MINAR1: variants seen among roughly 807,000 people sequenced by gnomAD.
MINAR1 encodes membrane integral NOTCH2 associated receptor 1, also known as major intrinsically disordered Notch2-binding receptor 1.
In MINAR1, 40 loss-of-function variants were observed where a neutral mutation model predicts 65.1. The ratio of observed to expected loss-of-function variants is 0.61; its 90% CI spans 0.48 to 0.80. The LOEUF (loss-of-function observed/expected upper bound fraction) is 0.80. MINAR1 is among the 30% of genes least tolerant of loss of function. MINAR1 has a pLI of 0.00. For synonymous variants in MINAR1, 482 were observed against 449.1 expected, an observed-to-expected ratio of 1.07 and a Z score of -0.93; for missense variants, 1,128 against 1,148.0, an observed-to-expected ratio of 0.98 and a Z score of 0.25.
chr15:79,463,043 G>A (rs773171478), intron 2 of MINAR1, 24 bp from the exon 3 acceptor site: 12 of 1,596,586 alleles, frequency 7.5e-6, no homozygotes, highest in Admixed American at 6.7e-5. Context: ...CCACTTGTCT[G>A]GACTTCTTTG....
intron 1 of MINAR1, among the ~76,000 whole-genome samples, chr15:79,449,280 T>G (rs1895113902): frequency 6.6e-6 from 1 of 152,222 alleles, no homozygotes. Context: ...ACACCCACTT[T>G]GTCAGTTCCC....
At position 79,469,504 on chromosome 15, in the gene MINAR1, C is replaced by T. The variant is rs1895995794; in HGVS notation, c.*1120C>T. On this transcript the variant is annotated 3_prime_UTR_variant, in exon 4 of 4. Transcript: ENST00000305428. ...GAGTTTTGAATACTTGTCAGCAGTGCAAAAAATATTATCTGTTTAACCACT... is the reference window on the plus strand; with the variant it reads ...GAGTTTTGAATACTTGTCAGCAGTGTAAAAAATATTATCTGTTTAACCACT... 2 of 152,424 alleles carry T rather than the reference C, an allele frequency of 1.3e-5. No homozygotes were observed. Among genetic ancestry groups the T allele is most frequent in the East Asian group, 3.9e-4 (2 of 5,176 alleles). 9.4% of individuals were successfully genotyped at this position (152,424 alleles called of 1,614,324 possible). A position where few individuals can be genotyped will look rare whatever the true frequency, so the allele number is the denominator to read the frequency against.
the MINAR1 span, chr15:79,418,219 G>A: frequency 1.3e-5 from 2 of 152,220 alleles, no homozygotes; most frequent in African/African-American, 4.8e-5. Flanking sequence ...TGGAATTGCA[G>A]ACTAGAGAGA....
intron 2 of MINAR1, 152 bp from the exon 3 acceptor site, chr15:79,462,915 A>G: frequency 1.3e-6 from 1 of 747,484 alleles, no homozygotes; most frequent in Non-Finnish European, 2.2e-6. Flanking sequence ...ATTTCCCTCA[A>G]TATGGTTATG....
intron 1 of MINAR1, among the ~76,000 whole-genome samples, chr15:79,439,348 GT>G: frequency 1.6e-5 from 1 of 62,976 alleles, no homozygotes; most frequent in African/African-American, 5.0e-5. Context: ...CAGTGTGTGT[GT>G]GGGTAATGAG....
the MINAR1 span, chr15:79,417,389 G>A: frequency 6.6e-6 from 1 of 152,176 alleles, no homozygotes. Context: ...CACTAGCGGT[G>A]GGCTTAGAAA....
At position 79,436,174 on chromosome 15, in the gene MINAR1, C is replaced by T. The variant is rs115544244; in HGVS notation, c.-51+3634C>T. ...ACATGTAGCATTGATAATAAACAAA[C>T]TGAAATCTGGGGATTATTTGTTGCT... On this transcript the variant is annotated intron_variant, in intron 1 of 3. Transcript: ENST00000305428. Among the ~76,000 whole-genome samples the T allele has an allele frequency of 2.7e-3, 418 of 152,296 alleles. 3 individuals are homozygous for T. The highest frequency in any genetic ancestry group is 9.6e-3 in the African/African-American group (401 of 41,558).
At position 79,461,424 on chromosome 15, in the gene MINAR1, A is replaced by C. The variant is rs1318808677; in HGVS notation, c.2299-1643A>C. On this transcript the variant is annotated intron_variant, in intron 2 of 3. Transcript: ENST00000305428. ...CTTGGTTAATTGCAATTATGCCTGCAGTGGCTACCGTCGTAGTTATTATCA... is the reference window on the plus strand; with the variant it reads ...CTTGGTTAATTGCAATTATGCCTGCCGTGGCTACCGTCGTAGTTATTATCA... Among the ~76,000 whole-genome samples the C allele has an allele frequency of 9.2e-5, 14 of 152,378 alleles. No individual in the cohort carries two copies. The East Asian group carries it at 2.5e-3, about 27-fold the overall frequency.
At chr15:79,430,506 C>G (rs1384688382), upstream of MINAR1, among the ~76,000 whole-genome samples, 1 of 152,126 alleles carries the variant, frequency 6.6e-6, no homozygotes, top group African/African-American at 2.4e-5. Flanking sequence ...CAATGAGGCC[C>G]CCAAACAGTC....
intron 1 of MINAR1, among the ~76,000 whole-genome samples, chr15:79,435,139 G>T (rs186585633): frequency 4.6e-5 from 7 of 152,278 alleles, no homozygotes; most frequent in African/African-American, 1.7e-4. Context: ...AGCCAGGCAT[G>T]GCGGTGCATG....
At chr15:79,414,189 T>A in the MINAR1 span, 2 of 152,196 alleles carry the variant, frequency 1.3e-5, no homozygotes, top group Non-Finnish European at 2.9e-5. Flanking sequence ...TTCCTGCCTT[T>A]CTTTCTCTCC....
At chr15:79,468,123 C>CG in intron 3 of MINAR1, 64 bp from the exon 4 acceptor site, 2 of 1,339,638 alleles carry the variant, frequency 1.5e-6, no homozygotes, top group Non-Finnish European at 2.1e-6. Flanking sequence ...TGATGACTGT[C>CG]GGGACGTCTT....
At chr15:79,433,713 CCT>C (rs1894517279) in intron 1 of MINAR1, among the ~76,000 whole-genome samples, 2 of 152,298 alleles carry the variant, frequency 1.3e-5, no homozygotes, top group East Asian at 3.9e-4. Context: ...GCCACTGCTA[CCT>C]CTCTCTGATG....
rs759562058 is a variant in MINAR1, at chr15:79,457,091, C to T, written c.944C>T (p.Pro315Leu). ...CCCTATAACAGCCAGTACCTGAATC[C>T]AGTGTATTCCCCGGTTCCTGACAAA... ...EMPYNSQYLN[P>L]VYSPVPDKRR... Residue 315 changes from proline (P) to leucine (L), a missense_variant, in exon 2 of 4, where the codon CCA (proline) becomes CTA (leucine). Physicochemically the swap from Pro to Leu is moderately conservative, Grantham distance 98. Coordinates refer to ENST00000305428, the MANE Select transcript of MINAR1 (RefSeq NM_015206.3). The T allele has an allele frequency of 6.2e-7, 1 of 1,614,132 alleles. No individual in the cohort carries two copies. The highest frequency in any genetic ancestry group is 8.5e-7 in the Non-Finnish European group (1 of 1,180,026).
chr15:79,468,358 G>A lies in MINAR1; in HGVS notation c.2725G>A (p.Val909Met), dbSNP rs780870691. 13 of 1,613,816 alleles carry A rather than the reference G, an allele frequency of 8.1e-6. No individual in the cohort carries two copies. Among genetic ancestry groups the A allele is most frequent in the South Asian group, 3.3e-5 (3 of 91,008 alleles). Residue 909 changes from valine (V) to methionine (M), a missense_variant, in exon 4 of 4, where the codon GTG (valine) becomes ATG (methionine). By Grantham distance (21) the Val-to-Met change is conservative. Coordinates refer to ENST00000305428, the MANE Select transcript of MINAR1 (RefSeq NM_015206.3). ...ATGCACCGTCATCCTCGTTATTGTCGTGCCCATCTGCACAATGAAATCATG... is the reference window on the plus strand; with the variant it reads ...ATGCACCGTCATCCTCGTTATTGTCATGCCCATCTGCACAATGAAATCATG... ...AACTVILVIV[V>M]PICTMKS
chr15:79,460,631 T>G (rs1895610624), intron 2 of MINAR1, among the ~76,000 whole-genome samples: 1 of 152,188 alleles, frequency 6.6e-6, no homozygotes, highest in South Asian at 2.1e-4. Context: ...TCTCATCTCA[T>G]GGGCCACTGC....
Position 79,457,053 on chromosome 15 carries a change from C to T in MINAR1, c.906C>T (p.His302=). 2 of 1,614,108 alleles carry T rather than the reference C, an allele frequency of 1.2e-6. No homozygotes were observed. Among genetic ancestry groups the T allele is most frequent in the South Asian group, 1.1e-5 (1 of 91,070 alleles). The stretch of plus-strand genomic sequence containing the variant: ...CCCACAAGCCACCCTTCTTCAACCA[C>T]AGCTTTGAAATGCCCTATAACAGCC... ...KEPHKPPFFN[H]SFEMPYNSQY... The change falls in exon 2 of 4, where the codon CAC becomes CAT. Residue 302 remains histidine, a synonymous_variant. Coordinates refer to ENST00000305428, the MANE Select transcript of MINAR1 (RefSeq NM_015206.3).
Position 79,432,357 on chromosome 15 carries a change from A to G in MINAR1, c.-234A>G, listed in dbSNP as rs1354793881. ...GCGCAGACCTGGACTCGGGCGGCGG[A>G]GGCGAAAGTCGCTCCATCCGCGGGG... On this transcript the variant is annotated 5_prime_UTR_variant, in exon 1 of 4. Transcript: ENST00000305428. Among the ~76,000 whole-genome samples, 2 of 152,074 alleles carry G rather than the reference A, an allele frequency of 1.3e-5. No homozygotes were observed. Among genetic ancestry groups the G allele is most frequent in the African/African-American group, 4.8e-5 (2 of 41,408 alleles).
intron 1 of MINAR1, among the ~76,000 whole-genome samples, chr15:79,451,524 G>A (rs1254770242): frequency 6.6e-6 from 1 of 152,170 alleles, no homozygotes; most frequent in Non-Finnish European, 1.5e-5. Flanking sequence ...GGGGAGGGGA[G>A]GCCTGGGCTA....
Sources: allele counts gnomAD v4.1 joint callset (sites outside exome capture counted in the v4.1 genomes callset), GRCh38; gene constraint gnomAD v4.1.1; transcripts MANE v1.5; gene names NCBI Gene and HGNC (gene_info 2026-07-23, HGNC 2026-07-21).